Variants in SGK3 observed in about 807,000 individuals in gnomAD.
The protein encoded by SGK3 is serum/glucocorticoid regulated kinase family member 3, also known as serine/threonine-protein kinase Sgk3.
Under a neutral mutation model 68.5 loss-of-function variants are expected in SGK3, and 47 were observed. The ratio of observed to expected loss-of-function variants is 0.69; its 90% CI spans 0.54 to 0.87. SGK3 has a LOEUF of 0.87. Among genes scored for constraint, SGK3 ranks in the 40% least tolerant of loss-of-function variants. The pLI, the probability that SGK3 is intolerant of heterozygous loss-of-function variation, is 0.00. For missense variants in SGK3, 479 were observed against 575.5 expected, an observed-to-expected ratio of 0.83 and a Z score of 1.72; for synonymous variants, 181 against 189.1, an observed-to-expected ratio of 0.96 and a Z score of 0.35.
At chr8:66,755,584 T>G (rs56056216) in intron 1 of SGK3, among the ~76,000 whole-genome samples, 19,370 of 152,024 alleles carry the variant, frequency 0.13, 2,332 homozygotes, top group African/African-American at 0.31. Context: ...TTCCTGGTGG[T>G]CTTGCAGATC....
chr8:66,717,077 T>C (rs1267748714), intron 1 of SGK3, among the ~76,000 whole-genome samples: 1 of 150,222 alleles, frequency 6.7e-6, no homozygotes, highest in Admixed American at 6.6e-5. Context: ...TGGTGGTGCA[T>C]GCCTGTAAGC....
rs962288669 is a variant in SGK3, at chr8:66,817,477, C to T, written c.329+3549C>T. 6.0e-5 allele frequency among the ~76,000 whole-genome samples: 9 copies of T among 149,182 alleles called. No homozygotes were observed. In the South Asian group the frequency reaches 9.1e-4, roughly 15 times the overall value. On this transcript the variant is annotated intron_variant, in intron 5 of 16. Coordinates refer to ENST00000521198, the MANE Select transcript of SGK3 (RefSeq NM_001033578.3). The stretch of plus-strand genomic sequence containing the variant: ...CGGAGTTTCACCTGCCTCAGCCTCC[C>T]GGGTAGCTGGGACCACAGGTGTGTG...
intron 1 of SGK3, among the ~76,000 whole-genome samples, chr8:66,727,699 T>C (rs1431176294): frequency 6.6e-6 from 1 of 152,156 alleles, no homozygotes; most frequent in East Asian, 1.9e-4. Flanking sequence ...CTTCCTCCAT[T>C]CAAGGACACA....
chr8:66,832,277 T>C (rs367829289), intron 8 of SGK3, among the ~76,000 whole-genome samples: 1 of 152,196 alleles, frequency 6.6e-6, no homozygotes, highest in African/African-American at 2.4e-5. Flanking sequence ...GATGAAGTTA[T>C]CAGAATCATC....
intron 4 of SGK3, among the ~76,000 whole-genome samples, chr8:66,811,228 G>C (rs886903168): frequency 1.3e-5 from 2 of 152,066 alleles, no homozygotes; most frequent in Admixed American, 1.3e-4. Flanking sequence ...ATGTTGTCCA[G>C]GCTAGTCTCA....
At chr8:66,821,085 A>G (rs1808793544) in intron 5 of SGK3, among the ~76,000 whole-genome samples, 1 of 152,184 alleles carries the variant, frequency 6.6e-6, no homozygotes, top group African/African-American at 2.4e-5. Context: ...TTAAATAATT[A>G]AGGACAGATT....
At chr8:66,734,983 G>A (rs1319177131) in intron 1 of SGK3, among the ~76,000 whole-genome samples, 1 of 150,272 alleles carries the variant, frequency 6.7e-6, no homozygotes, top group African/African-American at 2.5e-5. Flanking sequence ...AGTACAATAA[G>A]ATGTTTTGAA....
At chr8:66,724,933 A>T (rs999102941) in intron 1 of SGK3, among the ~76,000 whole-genome samples, 5 of 152,128 alleles carry the variant, frequency 3.3e-5, no homozygotes, top group African/African-American at 1.2e-4. Flanking sequence ...CTCTACTAAA[A>T]ATACAAAAAT....
chr8:66,738,971 T>C (rs776632219), intron 1 of SGK3, among the ~76,000 whole-genome samples: 5 of 152,164 alleles, frequency 3.3e-5, no homozygotes, highest in Admixed American at 1.3e-4. Flanking sequence ...TAACCATTTT[T>C]ACCCTTCATA....
intron 1 of SGK3, among the ~76,000 whole-genome samples, chr8:66,773,682 G>A (rs1332453839): frequency 1.3e-5 from 2 of 152,148 alleles, no homozygotes; most frequent in Admixed American, 6.5e-5. Context: ...TACAGCTGAC[G>A]TGATAATGGA....
chr8:66,832,831 C>T (rs752515309), intron 8 of SGK3, among the ~76,000 whole-genome samples: 2 of 151,708 alleles, frequency 1.3e-5, no homozygotes, highest in East Asian at 1.9e-4. Context: ...TGAGGCATAG[C>T]GTCACAATTC....
intron 4 of SGK3, among the ~76,000 whole-genome samples, chr8:66,810,816 G>A (rs1158813915): frequency 6.6e-6 from 1 of 152,078 alleles, no homozygotes; most frequent in Non-Finnish European, 1.5e-5. Context: ...ATCTTTTTGA[G>A]TTCTTATACT....
intron 1 of SGK3, chr8:66,790,628 G>A (rs1438891303): frequency 6.6e-6 from 1 of 152,094 alleles, no homozygotes; most frequent in African/African-American, 2.4e-5. Flanking sequence ...AGAGATGAAG[G>A]GCTCGAATAA....
intron 1 of SGK3, among the ~76,000 whole-genome samples, chr8:66,761,280 A>T (rs1471310566): frequency 6.6e-6 from 1 of 152,098 alleles, no homozygotes; most frequent in African/African-American, 2.4e-5. Flanking sequence ...GCCCAGCTAG[A>T]CATTCTTAAG....
At chr8:66,812,900 A>G (rs1808436223) in intron 4 of SGK3, among the ~76,000 whole-genome samples, 1 of 152,242 alleles carries the variant, frequency 6.6e-6, no homozygotes, top group Non-Finnish European at 1.5e-5. Flanking sequence ...TTTGTGCTTA[A>G]TATTTATTCC....
At chr8:66,833,258 G>A (rs926081391) in intron 8 of SGK3, among the ~76,000 whole-genome samples, 3 of 151,994 alleles carry the variant, frequency 2.0e-5, no homozygotes, top group Admixed American at 6.6e-5. Flanking sequence ...TGCCTGCCTC[G>A]GCCTCCCAAA....
intron 5 of SGK3, among the ~76,000 whole-genome samples, chr8:66,818,261 C>A (rs1427730357): frequency 2.0e-5 from 3 of 152,146 alleles, no homozygotes; most frequent in Admixed American, 1.3e-4. Flanking sequence ...GGAACCCATG[C>A]AAACACTTGA....
intron 4 of SGK3, among the ~76,000 whole-genome samples, chr8:66,807,162 T>A (rs1808202383): frequency 6.6e-6 from 1 of 152,140 alleles, no homozygotes; most frequent in Non-Finnish European, 1.5e-5. Context: ...CTGGAATACA[T>A]CTTGATGATT....
intron 5 of SGK3, 58 bp from the exon 6 acceptor site, chr8:66,822,313 AG>A: frequency 6.9e-7 from 1 of 1,452,254 alleles, no homozygotes; most frequent in Non-Finnish European, 9.3e-7. Flanking sequence ...TCATTTTAAA[AG>A]GGAGAAAGGC....
Sources: gnomAD v4.1 joint callset for allele counts (sites outside exome capture counted in the v4.1 genomes callset) on GRCh38, gnomAD v4.1.1 for gene constraint, MANE v1.5 for transcripts, NCBI Gene and HGNC (gene_info 2026-07-23, HGNC 2026-07-21) for gene names.